IQCH: variants seen among roughly 807,000 people sequenced by gnomAD.
IQCH encodes the protein IQ domain-containing protein H.
Under a neutral mutation model 117.0 loss-of-function variants are expected in IQCH, and 98 were observed. The ratio of observed to expected loss-of-function variants is 0.84; its 90% CI spans 0.71 to 0.99. The LOEUF is 0.99. Ranked by LOEUF, IQCH falls within the 50% of genes least tolerant of loss-of-function variation. The pLI, the probability that IQCH is intolerant of heterozygous loss-of-function variation, is 0.00. For synonymous variants in IQCH, 412 were observed against 448.2 expected, an observed-to-expected ratio of 0.92 and a Z score of 1.02; for missense variants, 1,102 against 1,243.8, an observed-to-expected ratio of 0.89 and a Z score of 1.72.
chr15:67,298,737 A>G (rs1339968748), intron 4 of IQCH, among the ~76,000 whole-genome samples: 2 of 151,862 alleles, frequency 1.3e-5, no homozygotes, highest in African/African-American at 2.4e-5. Context: ...GTGTTGGTGC[A>G]TGCCTGTAAT....
At chr15:67,485,489 TTAAA>T (rs1236241396) in intron 18 of IQCH, among the ~76,000 whole-genome samples, 1 of 152,118 alleles carries the variant, frequency 6.6e-6, no homozygotes, top group African/African-American at 2.4e-5. Context: ...GGGAGTGATT[TTAAA>T]TAAATACTGG....
At chr15:67,324,862 G>T (rs1022852434) in intron 4 of IQCH, among the ~76,000 whole-genome samples, 1 of 151,870 alleles carries the variant, frequency 6.6e-6, no homozygotes, top group African/African-American at 2.4e-5. Context: ...ACTTCCAGGG[G>T]TTTGATTATC....
rs1231138670 is a variant in IQCH at position 67,481,245 on chromosome 15, AAAAG to A, written c.2799+5433_2799+5436del. ...AAATACCCAAGACTGGGTAATTTAT[AAAAG>A]AAAGAGGTTTAATTGACTCCCAGTT... is the stretch of plus-strand genomic sequence containing the variant. On this transcript the variant is annotated intron_variant, in intron 18 of 20. Coordinates refer to ENST00000335894, the MANE Select transcript of IQCH (RefSeq NM_001031715.3). The surrounding 1 kb of genome is among the most constrained non-coding windows in gnomAD (Gnocchi z 4.1). 6.6e-6 allele frequency among the ~76,000 whole-genome samples: 1 copy of A among 152,236 alleles called. No individual in the cohort carries two copies. The highest frequency in any genetic ancestry group is 1.5e-5 in the Non-Finnish European group (1 of 68,046).
At chr15:67,357,460 A>C in intron 7 of IQCH, 39 bp downstream of exon 7, 1 of 1,243,036 alleles carries the variant, frequency 8.0e-7, no homozygotes, top group East Asian at 2.3e-5. Context: ...AATTATTCTT[A>C]TTTACAGCAC....
intron 16 of IQCH, among the ~76,000 whole-genome samples, chr15:67,455,436 G>A (rs1257262741): frequency 1.3e-5 from 2 of 152,314 alleles, no homozygotes; most frequent in South Asian, 2.1e-4. Context: ...TAAGGCCATA[G>A]CTCAGACAGT....
At position 67,359,791 on chromosome 15, in the gene IQCH, TA is replaced by T; in HGVS notation, c.715-52del. 2 of 1,481,248 alleles carry T rather than the reference TA, an allele frequency of 1.4e-6. No homozygotes were observed. The highest frequency in any genetic ancestry group is 1.9e-6 in the Non-Finnish European group (2 of 1,058,822). The allele number at this position is 1,481,248 out of a possible 1,614,324, so 91.8% of individuals were successfully genotyped here. A position where few individuals can be genotyped will look rare whatever the true frequency, so the allele number is the denominator to read the frequency against. The stretch of plus-strand genomic sequence containing the variant: ...GGCTCTGAGCCTTCTATTTGTTTTG[TA>T]AAATTGCCCATGAGAGTCGTTTTGA... On this transcript the variant is annotated intron_variant, in intron 7 of 20. Coordinates refer to ENST00000335894, the MANE Select transcript of IQCH (RefSeq NM_001031715.3). The surrounding 1 kb of genome is among the most constrained non-coding windows in gnomAD (Gnocchi z 4.5).
chr15:67,309,657 C>T (rs1324042019), intron 4 of IQCH, among the ~76,000 whole-genome samples: 1 of 151,874 alleles, frequency 6.6e-6, no homozygotes, highest in East Asian at 1.9e-4. Flanking sequence ...TACTGGATTC[C>T]TGTTGCAGCC....
In IQCH at chr15:67,475,750, C is replaced by T; in HGVS notation, c.2731C>T (p.Leu911Phe). The T allele has an allele frequency of 6.2e-7, 1 of 1,614,120 alleles. No homozygotes were observed. The highest frequency in any genetic ancestry group is 8.5e-7 in the Non-Finnish European group (1 of 1,179,950). The change falls in exon 18 of 21, where the codon CTC (leucine) becomes TTC (phenylalanine). Residue 911 changes from leucine to phenylalanine, a missense_variant. By Grantham distance (22) the Leu-to-Phe change is conservative (BLOSUM62 0). Around this residue, in one of 2 missense-constraint regions of IQCH, gnomAD observed 650 missense variants for 794.3 expected, o/e 0.82. Coordinates refer to ENST00000335894, the MANE Select transcript of IQCH (RefSeq NM_001031715.3). This position sits in a 1 kb window ranked among gnomAD's most constrained non-coding sequence, Gnocchi z 5.7. ...VMTTQLRHSN[L>F]SLVFHYVFLQ... ...GACCACCCAGCTAAGACACAGCAAT[C>T]TCTCACTGGTTTTCCACTATGTTTT...
At position 67,288,913 on chromosome 15, in the gene IQCH, C is replaced by T. The variant is rs77141012; in HGVS notation, c.387+9401C>T. Among the ~76,000 whole-genome samples, 723 of 152,172 alleles carry T rather than the reference C, an allele frequency of 4.8e-3. 6 individuals carry two copies. Among genetic ancestry groups the T allele is most frequent in the Non-Finnish European group, 7.6e-3 (518 of 68,022 alleles). Reference sequence around the variant, plus strand: ...GCTTATGCAAACTTGGTCAGGGATGCGAGAGGCTTTACAAAGGCAATGATG... The same window carrying T: ...GCTTATGCAAACTTGGTCAGGGATGTGAGAGGCTTTACAAAGGCAATGATG... On this transcript the variant is annotated intron_variant, in intron 4 of 20. Coordinates refer to ENST00000335894, the MANE Select transcript of IQCH (RefSeq NM_001031715.3).
intron 18 of IQCH, among the ~76,000 whole-genome samples, chr15:67,477,330 A>T (rs2083230327): frequency 6.6e-6 from 1 of 152,082 alleles, no homozygotes; most frequent in African/African-American, 2.4e-5. Context: ...TACAGGCATG[A>T]GCCACCGCGC....
At chr15:67,285,109 G>A (rs923009554) in intron 4 of IQCH, among the ~76,000 whole-genome samples, 9 of 152,022 alleles carry the variant, frequency 5.9e-5, no homozygotes, top group East Asian at 1.9e-4. Flanking sequence ...CTGCAACCTC[G>A]CCAGCATCTG....
chr15:67,380,380 C>G (rs543390108), intron 10 of IQCH, among the ~76,000 whole-genome samples: 2 of 152,296 alleles, frequency 1.3e-5, no homozygotes, highest in South Asian at 4.1e-4. Flanking sequence ...CAATAGCCCC[C>G]CAAAAAACCA....
intron 17 of IQCH, among the ~76,000 whole-genome samples, chr15:67,470,740 G>A (rs985344938): frequency 6.6e-6 from 1 of 152,098 alleles, no homozygotes; most frequent in Non-Finnish European, 1.5e-5. Flanking sequence ...ATATTCACAT[G>A]GTTCAAAAGG....
rs149819489 is a variant in IQCH, at chr15:67,402,124, G to A, written c.2097+1819G>A. 4.8e-3 allele frequency among the ~76,000 whole-genome samples: 728 copies of A among 152,208 alleles called. 5 individuals carry two copies. The highest frequency in any genetic ancestry group is 7.7e-3 in the Non-Finnish European group (523 of 67,996). ...CTCATTGTGCATTATTTAAATTTCA[G>A]TTATTTTAAACCGTAGCATTTTTAA... On this transcript the variant is annotated intron_variant, in intron 14 of 20. Coordinates refer to ENST00000335894, the MANE Select transcript of IQCH (RefSeq NM_001031715.3).
rs574147769 is a variant in IQCH, at chr15:67,272,797, C to G, written c.270-6598C>G. Among the ~76,000 whole-genome samples the G allele has an allele frequency of 7.2e-5, 11 of 152,270 alleles. No individual in the cohort carries two copies. In the South Asian group the frequency reaches 2.3e-3, roughly 32 times the overall value. ...TCAACTCCATGTCTTTACTTTCAGT[C>G]TGTGTCTTTATAGCTGAGGTGGGTT... On this transcript the variant is annotated intron_variant, in intron 3 of 20. Transcript: ENST00000335894.
intron 15 of IQCH, among the ~76,000 whole-genome samples, chr15:67,420,101 G>C (rs1041827618): frequency 6.6e-6 from 1 of 152,150 alleles, no homozygotes; most frequent in African/African-American, 2.4e-5. Context: ...ACACGAGTAG[G>C]CCTCATTTGA....
At chr15:67,400,353 G>C (rs893055785) in intron 14 of IQCH, 48 bp downstream of exon 14, 2 of 1,427,784 alleles carry the variant, frequency 1.4e-6, no homozygotes, top group East Asian at 2.3e-5. Flanking sequence ...TGAACAGTTA[G>C]GGGACGAAGC....
chr15:67,469,274 C>T (rs1015652531), intron 17 of IQCH, among the ~76,000 whole-genome samples: 6 of 152,038 alleles, frequency 3.9e-5, no homozygotes, highest in African/African-American at 1.5e-4. Flanking sequence ...CCTCAGTTTC[C>T]TCATTTCTAA....
chr15:67,495,663 G>A (rs1248373166), intron 20 of IQCH, among the ~76,000 whole-genome samples: 1 of 152,222 alleles, frequency 6.6e-6, no homozygotes, highest in African/African-American at 2.4e-5. Context: ...AGACTAAGTT[G>A]ATTCTGGGCT....
Sources: gnomAD v4.1 joint callset for allele counts (sites outside exome capture counted in the v4.1 genomes callset) on GRCh38, gnomAD v4.1.1 for gene constraint, gnomAD v4.1.1 regional missense constraint, Gnocchi (gnomAD v3.1) non-coding constraint, MANE v1.5 for transcripts, NCBI Gene and HGNC (gene_info 2026-07-23, HGNC 2026-07-21) for gene names.